The following GRAMD1B variants were observed in gnomAD, a reference collection of about 807,000 sequenced individuals.
GRAMD1B encodes protein Aster-B.
Under a neutral mutation model 99.7 loss-of-function variants are expected in GRAMD1B, and 37 were observed. That is an observed-to-expected ratio of 0.37 (90% CI 0.29 to 0.49). The LOEUF (loss-of-function observed/expected upper bound fraction) is 0.49. Among genes scored for constraint, GRAMD1B ranks in the 20% least tolerant of loss-of-function variants. GRAMD1B has a pLI of 0.98. For missense variants in GRAMD1B, 888 were observed against 1,009.2 expected (o/e 0.88, Z 1.63); for synonymous variants, 427 against 387.6 (o/e 1.10, Z -1.19).
intron 17 of GRAMD1B, chr11:123,618,482 C>A (rs189732872): frequency 3.0e-5 from 27 of 903,204 alleles, no homozygotes; most frequent in Non-Finnish European, 4.1e-5. Context: ...TCATCCCATG[C>A]CCCTCTCCAT....
intron 3 of GRAMD1B, among the ~76,000 whole-genome samples, chr11:123,579,239 C>T (rs1433050737): frequency 3.3e-5 from 5 of 152,124 alleles, no homozygotes; most frequent in African/African-American, 1.2e-4. Context: ...AACAACAAGG[C>T]CCATGGGGCA....
chr11:123,389,725 T>A (rs1057093397), intron 1 of GRAMD1B, among the ~76,000 whole-genome samples: 2 of 152,100 alleles, frequency 1.3e-5, no homozygotes, highest in Non-Finnish European at 2.9e-5. Flanking sequence ...ATAAGAGCTC[T>A]GTGTATTATC....
chr11:123,491,071 G>A (rs1376143420), intron 2 of GRAMD1B, among the ~76,000 whole-genome samples: 3 of 152,104 alleles, frequency 2.0e-5, no homozygotes, highest in Non-Finnish European at 2.9e-5. Context: ...AGTGGCTCAC[G>A]CCTGTAATCC....
chr11:123,364,343 T>C (rs1946246786), intron 1 of GRAMD1B, among the ~76,000 whole-genome samples: 1 of 152,180 alleles, frequency 6.6e-6, no homozygotes, highest in Non-Finnish European at 1.5e-5. Flanking sequence ...CTGCAGTGAC[T>C]ATAAAAAGGT....
rs114395321 is a variant in GRAMD1B, at chr11:123,620,131, C to T, written c.2544+907C>T. 3.9e-3 allele frequency among the ~76,000 whole-genome samples: 591 copies of T among 152,252 alleles called. 5 individuals carry two copies. The highest frequency in any genetic ancestry group is 0.014 in the African/African-American group (562 of 41,534). ...GATTTGATGCCATGTGGGCGGTGCT[C>T]ATTAATATTAAACTTTGTTTCCTTG... On this transcript the variant is annotated intron_variant, in intron 19 of 19. Coordinates refer to ENST00000635736, the MANE Select transcript of GRAMD1B (RefSeq NM_001387025.1).
At chr11:123,478,495 G>T (rs936893962) in intron 1 of GRAMD1B, among the ~76,000 whole-genome samples, 1 of 152,236 alleles carries the variant, frequency 6.6e-6, no homozygotes, top group Non-Finnish European at 1.5e-5. Flanking sequence ...GCAGGCCAGA[G>T]AGGGGCGCCA....
chr11:123,452,941 A>G (rs1254950124), intron 1 of GRAMD1B, among the ~76,000 whole-genome samples: 5 of 152,206 alleles, frequency 3.3e-5, no homozygotes, highest in Non-Finnish European at 7.4e-5. Flanking sequence ...CACAGGCACC[A>G]CTGAAGTAAA....
intron 1 of GRAMD1B, among the ~76,000 whole-genome samples, chr11:123,378,381 G>C (rs1374490426): frequency 6.6e-6 from 1 of 152,160 alleles, no homozygotes; most frequent in African/African-American, 2.4e-5. Context: ...TCAAATGGAA[G>C]GGTTGTGCTA....
intron 2 of GRAMD1B, among the ~76,000 whole-genome samples, chr11:123,505,178 C>G (rs968474660): frequency 1.4e-5 from 2 of 138,506 alleles, no homozygotes; most frequent in South Asian, 5.0e-4. Context: ...CTCTCTCTTT[C>G]AATGTCTTTA....
chr11:123,473,423 C>T (rs1565528950), intron 1 of GRAMD1B, among the ~76,000 whole-genome samples: 3 of 152,092 alleles, frequency 2.0e-5, no homozygotes, highest in African/African-American at 4.8e-5. Context: ...ACCACCACAC[C>T]GTGCTAATTT....
In GRAMD1B at chr11:123,588,716, A is replaced by G. The variant is rs571909606; in HGVS notation, c.684+4384A>G. On this transcript the variant is annotated intron_variant, in intron 4 of 19. Transcript: ENST00000635736. ...GGCAGCAACCAGGTACTGACACGCCAAGCATATAGAATCAGGGATCTTCGT... is the reference window on the plus strand; with the variant it reads ...GGCAGCAACCAGGTACTGACACGCCGAGCATATAGAATCAGGGATCTTCGT... Among the ~76,000 whole-genome samples, 41 of 152,302 alleles carry G rather than the reference A, an allele frequency of 2.7e-4. 1 individual carries two copies. Among genetic ancestry groups the G allele is most frequent in the Middle Eastern group, 3.4e-3 (1 of 294 alleles).
chr11:123,385,515 G>T (rs1947025843), intron 1 of GRAMD1B, among the ~76,000 whole-genome samples: 1 of 151,952 alleles, frequency 6.6e-6, no homozygotes, highest in African/African-American at 2.4e-5. Flanking sequence ...CTTTCATCCT[G>T]GAATACCTTT....
At chr11:123,498,236 T>G (rs1391600934) in intron 2 of GRAMD1B, among the ~76,000 whole-genome samples, 1 of 152,204 alleles carries the variant, frequency 6.6e-6, no homozygotes, top group Admixed American at 6.5e-5. Flanking sequence ...CTCACTGTGG[T>G]CAAGCTTGTA....
intron 1 of GRAMD1B, among the ~76,000 whole-genome samples, chr11:123,382,199 A>G (rs1444280964): frequency 2.0e-5 from 3 of 152,166 alleles, no homozygotes; most frequent in Non-Finnish European, 2.9e-5. Flanking sequence ...TGAAAAATAA[A>G]TTAATATTTT....
intron 2 of GRAMD1B, among the ~76,000 whole-genome samples, chr11:123,512,301 G>C (rs546866169): frequency 6.6e-6 from 1 of 152,324 alleles, no homozygotes; most frequent in East Asian, 1.9e-4. Flanking sequence ...TGAGGTTGTA[G>C]GTGGTTTGTT....
intron 1 of GRAMD1B, among the ~76,000 whole-genome samples, chr11:123,424,253 CAAAAAAAAA>C (rs1029881122): frequency 9.6e-6 from 1 of 104,256 alleles, no homozygotes; most frequent in South Asian, 3.0e-4. Context: ...CCCCCAACAC[CAAAAAAAAA>C]AAAAAAAAGA....
chr11:123,444,407 A>C (rs1245765626), intron 1 of GRAMD1B, among the ~76,000 whole-genome samples: 2 of 151,954 alleles, frequency 1.3e-5, no homozygotes, highest in African/African-American at 4.8e-5. Flanking sequence ...TGGGAGGATC[A>C]CTTGAGCCTG....
intron 1 of GRAMD1B, among the ~76,000 whole-genome samples, chr11:123,431,761 G>A (rs1295563777): frequency 6.6e-6 from 1 of 152,198 alleles, no homozygotes; most frequent in Admixed American, 6.5e-5. Context: ...TTTAGACATC[G>A]ATACCTACAA....
chr11:123,500,732 G>A (rs1013404440), intron 2 of GRAMD1B, among the ~76,000 whole-genome samples: 2 of 152,002 alleles, frequency 1.3e-5, no homozygotes, highest in African/African-American at 2.4e-5. Flanking sequence ...GAGTGCAGTG[G>A]CGCGATCGCG....
Sources: allele counts gnomAD v4.1 joint callset (sites outside exome capture counted in the v4.1 genomes callset), GRCh38; gene constraint gnomAD v4.1.1; transcripts MANE v1.5; gene names NCBI Gene and HGNC (gene_info 2026-07-23, HGNC 2026-07-21).